The following ROBO1 variants were observed in gnomAD, a reference collection of about 807,000 sequenced individuals.
ROBO1 encodes the protein roundabout guidance receptor 1.
A neutral mutation model predicts 195.9 loss-of-function variants in ROBO1; 149 were observed. The observed-to-expected ratio is 0.76, with a 90% confidence interval of 0.67 to 0.87. The LOEUF is 0.87. Ranked by LOEUF, ROBO1 falls within the 40% of genes least tolerant of loss-of-function variation. The pLI, the probability that ROBO1 is intolerant of heterozygous loss-of-function variation, is 0.00. For synonymous variants in ROBO1, 816 were observed against 733.2 expected (o/e 1.11, Z -1.82); for missense variants, 1,933 against 2,068.3 (o/e 0.93, Z 1.27).
chr3:79,239,585 G>A (rs547552559), intron 2 of ROBO1, among the ~76,000 whole-genome samples: 7 of 152,132 alleles, frequency 4.6e-5, no homozygotes, highest in Non-Finnish European at 8.8e-5. Context: ...ATCTGCAAAT[G>A]GGTTGTCAGT....
intron 2 of ROBO1, among the ~76,000 whole-genome samples, chr3:79,260,018 T>C (rs576858336): frequency 2.6e-5 from 4 of 151,894 alleles, no homozygotes; most frequent in Non-Finnish European, 5.9e-5. Context: ...AATGTTACAA[T>C]ACATAATTAG....
Position 78,627,320 on chromosome 3 carries a change from C to T in ROBO1, c.3875+1G>A. 2 of 1,611,204 alleles carry T rather than the reference C, an allele frequency of 1.2e-6. No individual in the cohort carries two copies. Among genetic ancestry groups the T allele is most frequent in the Non-Finnish European group, 1.7e-6 (2 of 1,178,568 alleles). ...AGCAAAGAAGGCTAGTGACAACATA[C>T]CTCCTGTCGGGCTGGTGCTGCATGT... On this transcript the variant is annotated splice_donor_variant, in intron 26 of 30. Transcript: ENST00000464233. LOFTEE classifies it high-confidence loss of function.
intron 1 of ROBO1, among the ~76,000 whole-genome samples, chr3:79,648,484 A>C (rs2106726677): frequency 6.6e-6 from 1 of 152,198 alleles, no homozygotes; most frequent in South Asian, 2.1e-4. Context: ...GTAGACATTA[A>C]ATAGAACAGG....
intron 4 of ROBO1, among the ~76,000 whole-genome samples, chr3:78,866,990 G>A (rs1162311780): frequency 6.6e-6 from 1 of 152,130 alleles, no homozygotes; most frequent in Non-Finnish European, 1.5e-5. Flanking sequence ...GCGATTACAA[G>A]AAGACAAAAA....
intron 3 of ROBO1, among the ~76,000 whole-genome samples, chr3:79,038,841 C>T (rs539429629): frequency 2.6e-5 from 4 of 152,268 alleles, no homozygotes; most frequent in African/African-American, 9.6e-5. Flanking sequence ...CAGACTGTAG[C>T]ATTTCCTATG....
chr3:79,364,827 A>G (rs1216035610), intron 2 of ROBO1, among the ~76,000 whole-genome samples: 1 of 152,214 alleles, frequency 6.6e-6, no homozygotes, highest in Non-Finnish European at 1.5e-5. Flanking sequence ...ATAAGCATGC[A>G]TACCTGCTAA....
intron 1 of ROBO1, among the ~76,000 whole-genome samples, chr3:79,728,050 T>C (rs1376932370): frequency 6.6e-6 from 1 of 152,152 alleles, no homozygotes; most frequent in Non-Finnish European, 1.5e-5. Context: ...CCCCAAGTGC[T>C]TATCTTGTTA....
chr3:79,360,988 T>A (rs2035747512), intron 2 of ROBO1, among the ~76,000 whole-genome samples: 1 of 152,088 alleles, frequency 6.6e-6, no homozygotes, highest in African/African-American at 2.4e-5. Context: ...TTCTATAGTT[T>A]TAACATTTGT....
intron 4 of ROBO1, among the ~76,000 whole-genome samples, chr3:78,931,236 C>CTTTTTTTT (rs71127369): frequency 1.5e-3 from 122 of 79,204 alleles, no homozygotes; most frequent in East Asian, 4.0e-3. Flanking sequence ...TTCTTTCTTT[C>CTTTTTTTT]TTTTTTTTTT....
At chr3:79,603,968 C>G (rs1197445826) in intron 1 of ROBO1, among the ~76,000 whole-genome samples, 3 of 152,016 alleles carry the variant, frequency 2.0e-5, no homozygotes, top group Non-Finnish European at 4.4e-5. Context: ...CTCTGCAGAA[C>G]AGTTAAAGCT....
chr3:79,000,083 C>A (rs1342155060), intron 3 of ROBO1, among the ~76,000 whole-genome samples: 1 of 152,042 alleles, frequency 6.6e-6, no homozygotes, highest in African/African-American at 2.4e-5. Flanking sequence ...CTACCTGAGA[C>A]TGGGTAACTT....
intron 1 of ROBO1, among the ~76,000 whole-genome samples, chr3:79,626,075 A>G (rs890850950): frequency 6.6e-6 from 1 of 152,234 alleles, no homozygotes; most frequent in African/African-American, 2.4e-5. Flanking sequence ...TCACATAAAC[A>G]GAACCAAAGA....
At chr3:79,538,144 T>C (rs1040687588) in intron 2 of ROBO1, among the ~76,000 whole-genome samples, 1 of 152,162 alleles carries the variant, frequency 6.6e-6, no homozygotes, top group African/African-American at 2.4e-5. Flanking sequence ...ACATATGCTA[T>C]ATAATTTTAG....
intron 8 of ROBO1, among the ~76,000 whole-genome samples, chr3:78,705,178 A>G (rs1482788651): frequency 1.3e-5 from 2 of 152,214 alleles, no homozygotes; most frequent in African/African-American, 4.8e-5. Context: ...AAAGTAAAAC[A>G]ATAACCAAAC....
At chr3:79,390,395 T>C (rs2036904741) in intron 2 of ROBO1, among the ~76,000 whole-genome samples, 1 of 152,060 alleles carries the variant, frequency 6.6e-6, no homozygotes, top group South Asian at 2.1e-4. Context: ...CAAGCTCATT[T>C]AGAGAAAGAT....
chr3:78,661,981 G>T lies in ROBO1; in HGVS notation c.2088+12C>A, dbSNP rs1575867224. On this transcript the variant is annotated intron_variant, in intron 15 of 30. Coordinates refer to ENST00000464233, the MANE Select transcript of ROBO1 (RefSeq NM_002941.4). ...CTTATTAAAACTGAGATCAAATATT[G>T]TAACAACTCACTGTCCAGTGCACTT... is the stretch of plus-strand genomic sequence containing the variant. 1.9e-6 allele frequency: 3 copies of T among 1,604,624 alleles called. No individual in the cohort carries two copies. The highest frequency in any genetic ancestry group is 2.2e-5 in the East Asian group (1 of 44,748).
intron 2 of ROBO1, among the ~76,000 whole-genome samples, chr3:79,213,240 G>A (rs1001049125): frequency 4.6e-5 from 7 of 150,972 alleles, no homozygotes; most frequent in Middle Eastern, 3.4e-3. Context: ...GAGAGACTCC[G>A]TCTTGGAAAA....
intron 4 of ROBO1, among the ~76,000 whole-genome samples, chr3:78,880,923 T>G (rs1476387722): frequency 6.6e-6 from 1 of 152,180 alleles, no homozygotes; most frequent in Admixed American, 6.6e-5. Flanking sequence ...AAAGAAGCCC[T>G]CATTTAAATA....
intron 4 of ROBO1, among the ~76,000 whole-genome samples, chr3:78,791,875 G>C (rs961264291): frequency 6.6e-6 from 1 of 152,316 alleles, no homozygotes; most frequent in East Asian, 1.9e-4. Context: ...TTTCCAGTGA[G>C]AGGCTGCTGT....
Sources: gnomAD v4.1 joint callset for allele counts (sites outside exome capture counted in the v4.1 genomes callset) on GRCh38, gnomAD v4.1.1 for gene constraint, MANE v1.5 for transcripts, NCBI Gene and HGNC (gene_info 2026-07-23, HGNC 2026-07-21) for gene names.